TRPC7: variants seen among roughly 807,000 people sequenced by gnomAD.
TRPC7 encodes the protein short transient receptor potential channel 7.
Under a neutral mutation model 90.1 loss-of-function variants are expected in TRPC7, and 42 were observed. That is an observed-to-expected ratio of 0.47 (90% CI 0.36 to 0.60). The LOEUF (loss-of-function observed/expected upper bound fraction) is 0.60. TRPC7 is among the 20% of genes least tolerant of loss of function. The pLI, the probability that TRPC7 is intolerant of heterozygous loss-of-function variation, is 0.00. For synonymous variants in TRPC7, 451 were observed against 436.3 expected (o/e 1.03, Z -0.42); for missense variants, 955 against 1,112.3 (o/e 0.86, Z 2.01).
Position 136,356,994 on chromosome 5 carries a change from C to T in TRPC7, c.394G>A (p.Ala132Thr), listed in dbSNP as rs191985200. 2 of 1,612,470 alleles carry T rather than the reference C, an allele frequency of 1.2e-6. No individual in the cohort carries two copies. Among genetic ancestry groups the T allele is most frequent in the East Asian group, 2.2e-5 (1 of 44,860 alleles). Reference protein sequence around the residue: ...VEAILNHPAFAQGQRLTLSPL... With the variant: ...VEAILNHPAFTQGQRLTLSPL... ...CTGAGCGTCAGGCGCTGGCCCTGCG[C>T]GAAGGCCGGGTGGTTGAGGATGGCC... Residue 132 changes from alanine to threonine, a missense_variant, in exon 2 of 12, where the codon GCG becomes ACG. By Grantham distance (58) the Ala-to-Thr change is moderately conservative. Transcript: ENST00000513104.
intron 5 of TRPC7, 70 bp from the exon 6 acceptor site, chr5:136,251,952 G>T: frequency 8.5e-7 from 1 of 1,177,418 alleles, no homozygotes. Flanking sequence ...TGAGGTCATG[G>T]AGGGAACCAG....
intron 3 of TRPC7, among the ~76,000 whole-genome samples, chr5:136,301,288 A>G (rs1440904087): frequency 4.0e-5 from 6 of 150,756 alleles, no homozygotes; most frequent in Non-Finnish European, 8.8e-5. Context: ...TGGCCTCCCA[A>G]AGTGCTGGGA....
rs772983383 is a variant in TRPC7, at chr5:136,365,325, G to A, written c.-71C>T. Reference sequence around the variant, plus strand: ...TCCGGTGTTGAGTCGCCAGAAGCTGGCTCCCCATGGGTGGTAGCCAAGGAT... The same window carrying A: ...TCCGGTGTTGAGTCGCCAGAAGCTGACTCCCCATGGGTGGTAGCCAAGGAT... On this transcript the variant is annotated 5_prime_UTR_variant, in exon 1 of 12. Coordinates refer to ENST00000513104, the MANE Select transcript of TRPC7 (RefSeq NM_020389.3). 1 of 1,497,620 alleles carries A rather than the reference G, an allele frequency of 6.7e-7. No individual in the cohort carries two copies. The highest frequency in any genetic ancestry group is 2.5e-5 in the East Asian group (1 of 40,684). 92.8% of individuals were successfully genotyped at this position (1,497,620 alleles called of 1,614,324 possible).
chr5:136,228,143 G>T (rs578032221), intron 8 of TRPC7, among the ~76,000 whole-genome samples: 2 of 152,186 alleles, frequency 1.3e-5, no homozygotes, highest in African/African-American at 4.8e-5. Flanking sequence ...CAGCTAGTTA[G>T]TTAGTCTTTT....
chr5:136,226,361 C>A, intron 8 of TRPC7, 106 bp from the exon 9 acceptor site: 1 of 776,194 alleles, frequency 1.3e-6, no homozygotes, highest in South Asian at 1.8e-5. Context: ...AAGCAGACTT[C>A]TAAGCAGGAC....
At chr5:136,350,932 G>T (rs2149857917) in intron 2 of TRPC7, among the ~76,000 whole-genome samples, 1 of 152,250 alleles carries the variant, frequency 6.6e-6, no homozygotes, top group Non-Finnish European at 1.5e-5. Context: ...GCAGATGATT[G>T]GTTCCATGAC....
At chr5:136,345,641 C>T (rs1759983258) in intron 2 of TRPC7, among the ~76,000 whole-genome samples, 1 of 152,084 alleles carries the variant, frequency 6.6e-6, no homozygotes, top group South Asian at 2.1e-4. Context: ...TTCTCCCATT[C>T]TGTAGGCTGC....
intron 3 of TRPC7, among the ~76,000 whole-genome samples, chr5:136,300,293 C>T (rs1006440726): frequency 6.6e-6 from 1 of 152,208 alleles, no homozygotes; most frequent in African/African-American, 2.4e-5. Context: ...TCCTTTTCCA[C>T]CCTCTAAAGT....
intron 10 of TRPC7, among the ~76,000 whole-genome samples, chr5:136,217,535 T>C (rs1430429273): frequency 2.6e-5 from 4 of 152,182 alleles, no homozygotes; most frequent in African/African-American, 9.7e-5. Flanking sequence ...CTCGGGCTCA[T>C]GGGCCAACTG....
chr5:136,339,677 C>T (rs1033079419), intron 2 of TRPC7, among the ~76,000 whole-genome samples: 1 of 152,100 alleles, frequency 6.6e-6, no homozygotes, highest in Non-Finnish European at 1.5e-5. Context: ...TTTGACATTC[C>T]TATGATTTCA....
At chr5:136,320,010 T>C (rs1759140634) in intron 2 of TRPC7, among the ~76,000 whole-genome samples, 1 of 152,164 alleles carries the variant, frequency 6.6e-6, no homozygotes. Context: ...AAAATGTGTA[T>C]CTTTCACCCA....
chr5:136,260,903 G>A (rs78575861), intron 5 of TRPC7, among the ~76,000 whole-genome samples: 3,395 of 152,324 alleles, frequency 0.022, 46 homozygotes, highest in Middle Eastern at 0.037. Flanking sequence ...TTCTGATAAA[G>A]AGGGAGTAAT....
chr5:136,315,944 G>A (rs1368616553), intron 2 of TRPC7, 165 bp from the exon 3 acceptor site: 8 of 669,410 alleles, frequency 1.2e-5, no homozygotes, highest in East Asian at 2.8e-5. Flanking sequence ...AGAAGGCGGG[G>A]CAATTTCTCT....
At chr5:136,327,744 C>T (rs1759384844) in intron 2 of TRPC7, among the ~76,000 whole-genome samples, 1 of 152,182 alleles carries the variant, frequency 6.6e-6, no homozygotes. Context: ...AGTGGGGAAG[C>T]ACACAGCCCA....
chr5:136,274,454 T>G (rs1475671679), intron 4 of TRPC7, among the ~76,000 whole-genome samples: 2 of 152,188 alleles, frequency 1.3e-5, no homozygotes, highest in Non-Finnish European at 2.9e-5. Flanking sequence ...GTTTAAAATT[T>G]TATTGCTCCT....
At chr5:136,260,861 G>A (rs138513149) in intron 5 of TRPC7, among the ~76,000 whole-genome samples, 101 of 152,282 alleles carry the variant, frequency 6.6e-4, no homozygotes, top group African/African-American at 2.4e-3. Flanking sequence ...GACTTGTTAG[G>A]GTCCTGAGGT....
chr5:136,287,093 C>T (rs369757729), intron 3 of TRPC7, among the ~76,000 whole-genome samples: 19 of 152,170 alleles, frequency 1.2e-4, no homozygotes, highest in African/African-American at 2.7e-4. Flanking sequence ...AAGCCATGAA[C>T]GCTCGCCTCG....
chr5:136,271,248 A>C (rs1368356844), intron 4 of TRPC7, among the ~76,000 whole-genome samples: 3 of 152,228 alleles, frequency 2.0e-5, no homozygotes, highest in Non-Finnish European at 4.4e-5. Flanking sequence ...AGTTGTTTAC[A>C]GTTCCTCCTG....
At chr5:136,273,810 C>T (rs1757276450) in intron 4 of TRPC7, among the ~76,000 whole-genome samples, 1 of 152,236 alleles carries the variant, frequency 6.6e-6, no homozygotes, top group African/African-American at 2.4e-5. Context: ...TAGTGACAAT[C>T]TTAAACCCAT....
Sources: allele counts gnomAD v4.1 joint callset (sites outside exome capture counted in the v4.1 genomes callset), GRCh38; gene constraint gnomAD v4.1.1; transcripts MANE v1.5; gene names NCBI Gene and HGNC (gene_info 2026-07-23, HGNC 2026-07-21).